Variants in FGFR2 observed in about 807,000 individuals in gnomAD.
The protein encoded by FGFR2 is fibroblast growth factor receptor 2, also known as BEK fibroblast growth factor receptor.
Under a neutral mutation model 95.9 loss-of-function variants are expected in FGFR2, and 19 were observed. The ratio of observed to expected loss-of-function variants is 0.20; its 90% confidence interval spans 0.14 to 0.29. FGFR2 has a LOEUF of 0.29. Ranked by LOEUF, FGFR2 falls within the 10% of genes least tolerant of loss-of-function variation. The pLI, the probability that FGFR2 is intolerant of heterozygous loss-of-function variation, is 1.00. For missense variants in FGFR2, 707 were observed against 1,056.9 expected (o/e 0.67, Z 4.59); for synonymous variants, 392 against 393.3 (o/e 1.00, Z 0.04).
intron 15 of FGFR2, among the ~76,000 whole-genome samples, chr10:121,486,186 GA>G (rs957338842): frequency 6.6e-6 from 1 of 152,202 alleles, no homozygotes; most frequent in African/African-American, 2.4e-5. Flanking sequence ...CAAGCTGAGA[GA>G]GCCAGGTTTA....
intron 1 of FGFR2, among the ~76,000 whole-genome samples, chr10:121,597,313 A>G (rs1156525212): frequency 1.3e-5 from 2 of 152,234 alleles, no homozygotes; most frequent in Admixed American, 1.3e-4. Flanking sequence ...CCGCTGCGGC[A>G]GAGCAGGCAG....
At chr10:121,596,060 GCCGC>G in intron 1 of FGFR2, among the ~76,000 whole-genome samples, 1 of 152,262 alleles carries the variant, frequency 6.6e-6, no homozygotes, top group African/African-American at 2.4e-5. Flanking sequence ...GGCCCAGCAT[GCCGC>G]TGGCGGCCAC....
At chr10:121,491,652 C>T (rs1274190197) in intron 13 of FGFR2, among the ~76,000 whole-genome samples, 5 of 151,968 alleles carry the variant, frequency 3.3e-5, no homozygotes, top group African/African-American at 1.2e-4. Context: ...AGGCGGATCC[C>T]GAGGTCAGGA....
intron 1 of FGFR2, among the ~76,000 whole-genome samples, chr10:121,596,931 AG>A (rs1214685306): frequency 1.3e-5 from 2 of 152,178 alleles, no homozygotes; most frequent in Admixed American, 1.3e-4. Flanking sequence ...GATGAAAATG[AG>A]TCGAGCCCGG....
At chr10:121,536,447 G>A (rs1852830341) in intron 6 of FGFR2, among the ~76,000 whole-genome samples, 1 of 152,138 alleles carries the variant, frequency 6.6e-6, no homozygotes, top group Non-Finnish European at 1.5e-5. Context: ...TCCCAAATTT[G>A]TGACATAATC....
chr10:121,539,191 T>G (rs1853312664), intron 5 of FGFR2, among the ~76,000 whole-genome samples: 1 of 152,238 alleles, frequency 6.6e-6, no homozygotes, highest in South Asian at 2.1e-4. Flanking sequence ...TGTGCTGCCG[T>G]AGCTAATTCA....
In FGFR2 at chr10:121,479,925, G is replaced by C. The variant is rs1844454373; in HGVS notation, c.2398C>G (p.Pro800Ala). ...CATGGTTCGTAAGGCATGGGGTCTG[G>C]AGAAAAAACAGAATCATCTCCTGAA... The part of the protein sequence containing the change: ...CSSGDDSVFS[P>A]DPMPYEPCLP... The change falls in exon 18 of 18, where the codon CCA (proline) becomes GCA (alanine). Residue 800 changes from proline (P) to alanine (A), a missense_variant. Transcript: ENST00000358487. 13 of 1,614,154 alleles carry C rather than the reference G, an allele frequency of 8.1e-6. No homozygotes were observed. Among genetic ancestry groups the C allele is most frequent in the Non-Finnish European group, 1.1e-5 (13 of 1,180,018 alleles).
rs927047637 is a variant in FGFR2 at position 121,564,541 on chromosome 10, C to T, written c.415G>A (p.Gly139Ser). The change falls in exon 4 of 18, where the codon GGT becomes AGT. Residue 139 changes from glycine (G) to serine (S), a missense_variant. Physicochemically the swap from Gly to Ser is moderately conservative, Grantham distance 56. Coordinates refer to ENST00000358487, the MANE Select transcript of FGFR2 (RefSeq NM_000141.5). ...TTCTCACTGACAAAATCTTCCGCACCATCGGTGTCATCCTCATCATCTCCG... is the reference window on the plus strand; with the variant it reads ...TTCTCACTGACAAAATCTTCCGCACTATCGGTGTCATCCTCATCATCTCCG... Reference protein sequence around the residue: ...SSGDDEDDTDGAEDFVSENSN... With the variant: ...SSGDDEDDTDSAEDFVSENSN... 8 of 1,613,918 alleles carry T rather than the reference C, an allele frequency of 5.0e-6. No homozygotes were observed. The African/African-American group carries it at 1.1e-4, about 22-fold the overall frequency.
At chr10:121,558,157 C>T (rs938449596) in intron 4 of FGFR2, among the ~76,000 whole-genome samples, 3 of 152,158 alleles carry the variant, frequency 2.0e-5, no homozygotes, top group Non-Finnish European at 2.9e-5. Context: ...AAAAATCCCT[C>T]GAACAAATGG....
At chr10:121,524,513 G>A (rs545853200) in intron 6 of FGFR2, among the ~76,000 whole-genome samples, 6 of 152,294 alleles carry the variant, frequency 3.9e-5, no homozygotes, top group African/African-American at 9.6e-5. Context: ...CAAGTCGGAG[G>A]AGGAGGCCTG....
chr10:121,526,933 C>T, intron 6 of FGFR2: 1 of 394,506 alleles, frequency 2.5e-6, no homozygotes, highest in Non-Finnish European at 4.5e-6. Context: ...ACACACACGT[C>T]TCTTTGCAGA....
At chr10:121,548,502 C>A (rs1047786621) in intron 5 of FGFR2, among the ~76,000 whole-genome samples, 6 of 151,892 alleles carry the variant, frequency 4.0e-5, no homozygotes, top group African/African-American at 1.5e-4. Context: ...CTGAACTGCA[C>A]CTGTTAAAAA....
intron 9 of FGFR2, among the ~76,000 whole-genome samples, chr10:121,510,359 A>G (rs1285165918): frequency 6.6e-6 from 1 of 152,170 alleles, no homozygotes; most frequent in African/African-American, 2.4e-5. Flanking sequence ...TTGGAGGCTG[A>G]GAGAGGAGAA....
Position 121,479,705 on chromosome 10 carries a change from C to CT in FGFR2, c.*151dup, listed in dbSNP as rs768166411. On this transcript the variant is annotated 3_prime_UTR_variant, in exon 18 of 18. Coordinates refer to ENST00000358487, the MANE Select transcript of FGFR2 (RefSeq NM_000141.5). The stretch of plus-strand genomic sequence containing the variant: ...ATTACAAGTTTTCAACTGTATAAAT[C>CT]TTTACACATATGCTGATTACTTTTC... 2 of 1,589,328 alleles carry CT rather than the reference C, an allele frequency of 1.3e-6. No homozygotes were observed. Among genetic ancestry groups the CT allele is most frequent in the Non-Finnish European group, 1.7e-6 (2 of 1,166,606 alleles).
intron 6 of FGFR2, among the ~76,000 whole-genome samples, chr10:121,536,928 C>T (rs1215613194): frequency 6.6e-6 from 1 of 152,142 alleles, no homozygotes; most frequent in Non-Finnish European, 1.5e-5. Flanking sequence ...CTCTCTTTCC[C>T]TAAATAGAAA....
chr10:121,543,904 A>G (rs997283344), intron 5 of FGFR2, among the ~76,000 whole-genome samples: 1 of 152,238 alleles, frequency 6.6e-6, no homozygotes, highest in African/African-American at 2.4e-5. Flanking sequence ...CGGTGCTCAC[A>G]AAGGTGGCTG....
At chr10:121,493,232 T>A (rs571905533) in intron 13 of FGFR2, among the ~76,000 whole-genome samples, 10 of 152,258 alleles carry the variant, frequency 6.6e-5, no homozygotes, top group African/African-American at 2.4e-4. Flanking sequence ...CCCGGAGGGG[T>A]CAGTAATTAA....
chr10:121,485,299 G>T lies in FGFR2; in HGVS notation c.2195+96C>A. ...GCCATTCTTCTTAGAGCATGTTTAG[G>T]AAACCAGGGGCCTTCAAAAACGAGA... On this transcript the variant is annotated intron_variant, in intron 16 of 17. Transcript: ENST00000358487. The surrounding 1 kb of genome is among the most constrained non-coding windows in gnomAD (Gnocchi z 4.2). 4 of 1,554,820 alleles carry T rather than the reference G, an allele frequency of 2.6e-6. No homozygotes were observed. Among genetic ancestry groups the T allele is most frequent in the Non-Finnish European group, 2.7e-6 (3 of 1,128,824 alleles).
Position 121,565,679 on chromosome 10 carries a change from A to C in FGFR2, c.135T>G (p.Ser45=), listed in dbSNP as rs1177668199. 6.2e-7 allele frequency: 1 copy of C among 1,614,084 alleles called. No individual in the cohort carries two copies. Among genetic ancestry groups the C allele is most frequent in the African/African-American group, 1.3e-5 (1 of 74,918 alleles). The change falls in exon 3 of 18, where the codon TCT becomes TCG. Residue 45 remains serine (S), a synonymous_variant. Coordinates refer to ENST00000358487, the MANE Select transcript of FGFR2 (RefSeq NM_000141.5). ...PEEPPTKYQI[S]QPEVYVAAPG... is the part of the protein sequence containing the mutation. ...GCGCAGCCACGTACACTTCTGGTTG[A>C]GAGATTTGGTATTTGGTTGGTGGCT...
Sources: gnomAD v4.1 joint callset for allele counts (sites outside exome capture counted in the v4.1 genomes callset) on GRCh38, gnomAD v4.1.1 for gene constraint, Gnocchi (gnomAD v3.1) non-coding constraint, MANE v1.5 for transcripts, NCBI Gene and HGNC (gene_info 2026-07-23, HGNC 2026-07-21) for gene names.